Variants in NFATC2 observed in about 807,000 individuals in gnomAD.
NFATC2 encodes nuclear factor of activated T cells 2.
Under a neutral mutation model 87.3 loss-of-function variants are expected in NFATC2, and 22 were observed. The observed-to-expected ratio is 0.25, with a 90% CI of 0.18 to 0.36. NFATC2 has a LOEUF of 0.36. Ranked by LOEUF, NFATC2 falls within the 10% of genes least tolerant of loss-of-function variation. The probability of loss-of-function intolerance (pLI) is 1.00; values close to 1 mark genes in which losing one functional copy is unlikely to be tolerated. For synonymous variants in NFATC2, 565 were observed against 542.2 expected, an observed-to-expected ratio of 1.04 and a Z score of -0.58; for missense variants, 1,149 against 1,259.1, an observed-to-expected ratio of 0.91 and a Z score of 1.32.
chr20:51,555,402 G>A (rs1254987440), intron 1 of NFATC2, among the ~76,000 whole-genome samples: 2 of 152,052 alleles, frequency 1.3e-5, no homozygotes, highest in Non-Finnish European at 2.9e-5. Flanking sequence ...GACCATCCTG[G>A]CTAACACAGT....
chr20:51,493,865 A>G (rs1035817046), intron 3 of NFATC2, among the ~76,000 whole-genome samples: 2 of 152,148 alleles, frequency 1.3e-5, no homozygotes, highest in African/African-American at 4.8e-5. Flanking sequence ...CTTGACCATC[A>G]GCCTGCTCAG....
rs755239819 is a variant in NFATC2 at position 51,523,642 on chromosome 20, T to C, written c.599A>G (p.Asp200Gly). ...GATGTTTTGAAACTGCGGACACAGG[T>C]CGTCGGGCCCGCCGTTATTGGGCGA... ...CVSPNNGGPD[D>G]LCPQFQNIPA... The change falls in exon 2 of 11, where the codon GAC (aspartate) becomes GGC (glycine). Residue 200 changes from aspartate (D) to glycine (G), a missense_variant. By Grantham distance (94) the Asp-to-Gly change is moderately conservative. Coordinates refer to ENST00000371564, the MANE Select transcript of NFATC2 (RefSeq NM_012340.5). This position sits in a 1 kb window ranked among gnomAD's most constrained non-coding sequence, Gnocchi z 6.9. The C allele has an allele frequency of 1.2e-6, 2 of 1,613,620 alleles. No homozygotes were observed. Among genetic ancestry groups the C allele is most frequent in the Admixed American group, 1.7e-5 (1 of 59,972 alleles).
At chr20:51,531,630 A>G (rs2076635276) in intron 1 of NFATC2, among the ~76,000 whole-genome samples, 1 of 152,196 alleles carries the variant, frequency 6.6e-6, no homozygotes, top group Non-Finnish European at 1.5e-5. Flanking sequence ...AGACTTGGGG[A>G]AACTCCATGT....
At chr20:51,496,844 C>T (rs1457104860) in intron 3 of NFATC2, among the ~76,000 whole-genome samples, 1 of 152,184 alleles carries the variant, frequency 6.6e-6, no homozygotes. Flanking sequence ...ACTGGGCACT[C>T]CCTGAAAGCA....
In NFATC2 at chr20:51,387,662, C is replaced by T. The variant is rs139944619; in HGVS notation, c.*3834G>A. Reference sequence around the variant, plus strand: ...AATTGGCTGCTTTGGTTCCACGAAACGTAATGCCCTAGCCTCGAGCCTAGG... The same window carrying T: ...AATTGGCTGCTTTGGTTCCACGAAATGTAATGCCCTAGCCTCGAGCCTAGG... On this transcript the variant is annotated 3_prime_UTR_variant, in exon 11 of 11. Coordinates refer to ENST00000371564, the MANE Select transcript of NFATC2 (RefSeq NM_012340.5). 6 of 152,168 alleles carry T rather than the reference C, an allele frequency of 3.9e-5. No homozygotes were observed. The highest frequency in any genetic ancestry group is 9.6e-5 in the African/African-American group (4 of 41,506). The allele number at this position is 152,168 out of a possible 1,614,324, so 9.4% of individuals were successfully genotyped here.
intron 2 of NFATC2, among the ~76,000 whole-genome samples, chr20:51,517,940 A>T (rs1490049353): frequency 1.3e-5 from 2 of 151,952 alleles, no homozygotes; most frequent in Non-Finnish European, 2.9e-5. Context: ...TAAACAAAAC[A>T]GTATTATAAT....
At chr20:51,481,160 C>T (rs1037955782) in intron 3 of NFATC2, among the ~76,000 whole-genome samples, 3 of 152,206 alleles carry the variant, frequency 2.0e-5, no homozygotes, top group African/African-American at 4.8e-5. Context: ...GAGCCTTCCT[C>T]GCCAGGTCCC....
chr20:51,488,227 A>T (rs2075817479), intron 3 of NFATC2, among the ~76,000 whole-genome samples: 1 of 152,220 alleles, frequency 6.6e-6, no homozygotes, highest in African/African-American at 2.4e-5. Flanking sequence ...CAGGATTATT[A>T]ATACACATTC....
At position 51,542,592 on chromosome 20, in the gene NFATC2, G is replaced by T; in HGVS notation, c.-93C>A. ...GCAGTGGGGCTGGCGGAGGCGGCTC[G>T]AGCGGCGGGGTCCCTTTCCTCGTAG... On this transcript the variant is annotated 5_prime_UTR_variant, in exon 1 of 11. Transcript: ENST00000371564. 1 of 1,244,922 alleles carries T rather than the reference G, an allele frequency of 8.0e-7. No individual in the cohort carries two copies. Among genetic ancestry groups the T allele is most frequent in the African/African-American group, 1.6e-5 (1 of 63,330 alleles). The allele number at this position is 1,244,922 out of a possible 1,614,324, so 77.1% of individuals were successfully genotyped here.
rs2077039392 is a variant in NFATC2, at chr20:51,562,264, T to C, written c.70+296A>G. On this transcript the variant is annotated intron_variant, in intron 1 of 10. Transcript: ENST00000414705. The surrounding 1 kb of genome is among the most constrained non-coding windows in gnomAD (Gnocchi z 5.8). The stretch of plus-strand genomic sequence containing the variant: ...GGTTAGTAGCGAGAATCCCTCCCGG[T>C]GTCCCGTGGAGAGGAAAATCCTCCC... 6.6e-6 allele frequency among the ~76,000 whole-genome samples: 1 copy of C among 152,222 alleles called. No homozygotes were observed. Among genetic ancestry groups the C allele is most frequent in the Non-Finnish European group, 1.5e-5 (1 of 68,032 alleles).
At chr20:51,503,904 T>A (rs1370985920) in intron 3 of NFATC2, among the ~76,000 whole-genome samples, 1 of 151,976 alleles carries the variant, frequency 6.6e-6, no homozygotes, top group Non-Finnish European at 1.5e-5. Flanking sequence ...AGTGCAGTGG[T>A]GCAATCTTGG....
At chr20:51,460,272 A>G (rs1987001459) in intron 5 of NFATC2, among the ~76,000 whole-genome samples, 1 of 152,198 alleles carries the variant, frequency 6.6e-6, no homozygotes, top group South Asian at 2.1e-4. Flanking sequence ...AGTGAAGGGC[A>G]GCACGTGCTC....
At position 51,524,593 on chromosome 20, in the gene NFATC2, G is replaced by A. The variant is rs2076512862; in HGVS notation, c.131-483C>T. On this transcript the variant is annotated intron_variant, in intron 1 of 10. Coordinates refer to ENST00000371564, the MANE Select transcript of NFATC2 (RefSeq NM_012340.5). This position sits in a 1 kb window ranked among gnomAD's most constrained non-coding sequence, Gnocchi z 4.0. Reference sequence around the variant, plus strand: ...TAGGTCATGACCCCTAGTTTGAAAAGCACCTATCTAGGGCCTATGGCAGCA... The same window carrying A: ...TAGGTCATGACCCCTAGTTTGAAAAACACCTATCTAGGGCCTATGGCAGCA... Among the ~76,000 whole-genome samples the A allele has an allele frequency of 2.6e-5, 4 of 152,064 alleles. No homozygotes were observed. The South Asian group carries it at 8.3e-4, about 32-fold the overall frequency.
In NFATC2 at chr20:51,421,184, T is replaced by C. The variant is rs146686552; in HGVS notation, c.2722+10883A>G. Among the ~76,000 whole-genome samples the C allele has an allele frequency of 6.0e-3, 918 of 152,248 alleles. 8 individuals are homozygous for C. The highest frequency in any genetic ancestry group is 0.021 in the African/African-American group (874 of 41,552). ...TAGAAGAAATCAGATTGGCCATGCA[T>C]TGATAACAGCTGAAGCCTCGTGGTG... On this transcript the variant is annotated intron_variant, in intron 9 of 10. Transcript: ENST00000371564.
At chr20:51,468,628 T>C (rs952504457) in intron 5 of NFATC2, among the ~76,000 whole-genome samples, 2 of 152,142 alleles carry the variant, frequency 1.3e-5, no homozygotes, top group Non-Finnish European at 2.9e-5. Context: ...CCTGTGGACA[T>C]CTCCTGTCTC....
At chr20:51,535,511 C>T (rs1042201573) in intron 1 of NFATC2, among the ~76,000 whole-genome samples, 1 of 152,204 alleles carries the variant, frequency 6.6e-6, no homozygotes. Context: ...TTTATTTATA[C>T]TTTTCCCCAG....
At chr20:51,473,528 C>T (rs1208488862) in intron 5 of NFATC2, among the ~76,000 whole-genome samples, 3 of 152,170 alleles carry the variant, frequency 2.0e-5, no homozygotes, top group South Asian at 2.1e-4. Context: ...AATACTCATG[C>T]GGAGCACTTC....
intron 1 of NFATC2, among the ~76,000 whole-genome samples, chr20:51,555,144 C>T (rs537383998): frequency 6.6e-6 from 1 of 152,294 alleles, no homozygotes; most frequent in South Asian, 2.1e-4. Flanking sequence ...CTCCTGTTTG[C>T]CTGCCTAGCA....
At chr20:51,492,723 C>T (rs892846692) in intron 3 of NFATC2, among the ~76,000 whole-genome samples, 3 of 152,158 alleles carry the variant, frequency 2.0e-5, no homozygotes, top group Non-Finnish European at 2.9e-5. Flanking sequence ...CCATGCCAGG[C>T]GACTTGGAAG....
Sources: gnomAD v4.1 joint callset for allele counts (sites outside exome capture counted in the v4.1 genomes callset) on GRCh38, gnomAD v4.1.1 for gene constraint, Gnocchi (gnomAD v3.1) non-coding constraint, MANE v1.5 for transcripts, NCBI Gene and HGNC (gene_info 2026-07-23, HGNC 2026-07-21) for gene names.